The following SMAD2 variants were observed in gnomAD, a reference collection of about 807,000 sequenced individuals.
SMAD2 encodes the protein MAD homolog 2.
A neutral mutation model predicts 64.4 loss-of-function variants in SMAD2; 8 were observed. The observed-to-expected ratio is 0.12, with a 90% CI of 0.07 to 0.22. SMAD2 has a LOEUF of 0.22. Ranked by LOEUF, SMAD2 falls within the 10% of genes least tolerant of loss-of-function variation. The pLI is 1.00. For synonymous variants in SMAD2, 203 were observed against 195.8 expected (o/e 1.04, Z -0.31); for missense variants, 289 against 561.2 (o/e 0.51, Z 4.90).
At chr18:47,861,154 G>A (rs954673351) in intron 6 of SMAD2, among the ~76,000 whole-genome samples, 9 of 152,060 alleles carry the variant, frequency 5.9e-5, no homozygotes, top group African/African-American at 2.2e-4. Flanking sequence ...TTGGGAGTTC[G>A]AGACCAGCCT....
At chr18:47,910,288 G>A (rs1183861650) in intron 1 of SMAD2, among the ~76,000 whole-genome samples, 1 of 152,086 alleles carries the variant, frequency 6.6e-6, no homozygotes, top group African/African-American at 2.4e-5. Flanking sequence ...ACGTAACAGA[G>A]ATCAGTGCTT....
Position 47,836,099 on chromosome 18 carries a change from T to C in SMAD2, c.*5728A>G, listed in dbSNP as rs1913389328. On this transcript the variant is annotated 3_prime_UTR_variant, in exon 11 of 11. Transcript: ENST00000262160. ...GTTAATATACTCCAGCGAGATCACC[T>C]GTGGGTCAAGGATGGCCCAGAGAAT... The C allele has an allele frequency of 1.4e-5, 3 of 216,650 alleles. No individual in the cohort carries two copies. Among genetic ancestry groups the C allele is most frequent in the Admixed American group, 5.8e-5 (1 of 17,176 alleles). The allele number at this position is 216,650 out of a possible 1,614,324, so 13.4% of individuals were successfully genotyped here.
intron 1 of SMAD2, among the ~76,000 whole-genome samples, chr18:47,914,545 G>A (rs910219465): frequency 2.9e-4 from 44 of 152,242 alleles, no homozygotes; most frequent in African/African-American, 1.0e-3. Flanking sequence ...GTTTCTAAAA[G>A]AAAGATCAGA....
intron 6 of SMAD2, among the ~76,000 whole-genome samples, chr18:47,851,571 C>CA: frequency 6.6e-6 from 1 of 152,176 alleles, no homozygotes; most frequent in East Asian, 1.9e-4. Context: ...TTCATCTTCC[C>CA]AAAGATATCT....
intron 1 of SMAD2, among the ~76,000 whole-genome samples, chr18:47,908,217 G>A (rs550500611): frequency 5.3e-5 from 8 of 152,294 alleles, no homozygotes; most frequent in East Asian, 1.9e-4. Flanking sequence ...GCAAATGTTC[G>A]TGGATGGAGG....
intron 1 of SMAD2, among the ~76,000 whole-genome samples, chr18:47,902,633 T>C (rs533933133): frequency 5.8e-4 from 89 of 152,216 alleles, no homozygotes; most frequent in Non-Finnish European, 1.2e-3. Flanking sequence ...ACTTAAAAAG[T>C]ATTCCATAGA....
In SMAD2 at chr18:47,830,944, C is replaced by CGT. The variant is rs777666847; in HGVS notation, c.*10882_*10883insAC. ...CTTTGGCTGTGAGCAAAAAAGTTAA[C>CGT]TAAGTTTCACTTAATACACACACAC... On this transcript the variant is annotated 3_prime_UTR_variant, in exon 11 of 11. Coordinates refer to ENST00000262160, the MANE Select transcript of SMAD2 (RefSeq NM_005901.6). The CGT allele has an allele frequency of 6.7e-6, 1 of 150,072 alleles. No individual in the cohort carries two copies. Among genetic ancestry groups the CGT allele is most frequent in the Non-Finnish European group, 1.5e-5 (1 of 67,996 alleles). 9.3% of individuals were successfully genotyped at this position (150,072 alleles called of 1,614,324 possible).
chr18:47,864,955 G>T (rs565316226), intron 6 of SMAD2, 104 bp downstream of exon 6: 2 of 729,964 alleles, frequency 2.7e-6, no homozygotes, highest in Non-Finnish European at 2.4e-6. Context: ...TTTGGTATGC[G>T]TCTCAACTTC....
chr18:47,886,596 TC>T (rs1340162986), intron 2 of SMAD2, among the ~76,000 whole-genome samples: 41 of 151,904 alleles, frequency 2.7e-4, no homozygotes, highest in African/African-American at 9.7e-4. Flanking sequence ...TATCTATCTA[TC>T]TATCTATCTA....
intron 1 of SMAD2, among the ~76,000 whole-genome samples, chr18:47,921,382 G>T (rs983168436): frequency 2.0e-5 from 3 of 152,082 alleles, no homozygotes; most frequent in African/African-American, 7.2e-5. Context: ...CTTTGAAAAG[G>T]CAACTGTATG....
intron 1 of SMAD2, among the ~76,000 whole-genome samples, chr18:47,902,352 G>A (rs2033718190): frequency 6.6e-6 from 1 of 152,126 alleles, no homozygotes; most frequent in African/African-American, 2.4e-5. Flanking sequence ...TTTATTAAGA[G>A]TCTTGGACTA....
chr18:47,890,905 G>A (rs1347732892), intron 2 of SMAD2, among the ~76,000 whole-genome samples: 1 of 152,038 alleles, frequency 6.6e-6, no homozygotes, highest in Non-Finnish European at 1.5e-5. Context: ...GAAGCAAAAG[G>A]GTATGAACAT....
intron 8 of SMAD2, among the ~76,000 whole-genome samples, chr18:47,847,606 T>TA (rs1027879931): frequency 4.9e-4 from 49 of 99,644 alleles, no homozygotes; most frequent in African/African-American, 2.0e-3. Context: ...ACAATGTTTA[T>TA]AAAAAACAAC....
chr18:47,927,028 C>CT lies in SMAD2; in HGVS notation c.-54+3332dup, dbSNP rs2034794095. 4.6e-5 allele frequency among the ~76,000 whole-genome samples: 7 copies of CT among 152,314 alleles called. No individual in the cohort carries two copies. In the South Asian group the frequency reaches 1.5e-3, roughly 32 times the overall value. On this transcript the variant is annotated intron_variant, in intron 1 of 10. Transcript: ENST00000262160. Reference sequence around the variant, plus strand: ...GATTCCAAAACCCAAGGCCTTTCCACTACATGAGACTGCTGTCCAATCCTG... The same window carrying CT: ...GATTCCAAAACCCAAGGCCTTTCCACTTACATGAGACTGCTGTCCAATCCTG...
Position 47,841,830 on chromosome 18 carries a change from T to C in SMAD2, c.1401A>G (p.Ser467=), listed in dbSNP as rs775133924. The C allele has an allele frequency of 5.0e-6, 8 of 1,614,074 alleles. No individual in the cohort carries two copies. The highest frequency in any genetic ancestry group is 6.8e-6 in the Non-Finnish European group (8 of 1,180,026). The part of the protein sequence containing the change: ...GSPSVRCSSM[S] ...ATGGGACTTGATTGGTGAAGCTTTA[T>C]GACATGCTTGAGCAACGCACTGAAG... Residue 467 remains serine, a synonymous_variant, in exon 11 of 11, where the codon TCA becomes TCG. Transcript: ENST00000262160.
intron 2 of SMAD2, among the ~76,000 whole-genome samples, chr18:47,888,246 T>TG (rs1172225309): frequency 6.6e-6 from 1 of 151,272 alleles, no homozygotes; most frequent in African/African-American, 2.4e-5. Flanking sequence ...ATCAAACTAA[T>TG]GAGATCCAGA....
rs1169439448 is a variant in SMAD2 at position 47,840,938 on chromosome 18, T to G, written c.*889A>C. 2.2e-5 allele frequency: 5 copies of G among 232,316 alleles called. No individual in the cohort carries two copies. The East Asian group carries it at 2.4e-4, about 11-fold the overall frequency. 14.4% of individuals were successfully genotyped at this position (232,316 alleles called of 1,614,324 possible). A position where few individuals can be genotyped will look rare whatever the true frequency, so the allele number is the denominator to read the frequency against. ...AGATTATACAAGCCAATTATTCCTGTTGAAATTTGGGCATAAGACAAAGGG... is the reference window on the plus strand; with the variant it reads ...AGATTATACAAGCCAATTATTCCTGGTGAAATTTGGGCATAAGACAAAGGG... On this transcript the variant is annotated 3_prime_UTR_variant, in exon 11 of 11. Coordinates refer to ENST00000262160, the MANE Select transcript of SMAD2 (RefSeq NM_005901.6).
intron 2 of SMAD2, among the ~76,000 whole-genome samples, chr18:47,877,912 T>A (rs2032360742): frequency 6.6e-6 from 1 of 152,186 alleles, no homozygotes; most frequent in South Asian, 2.1e-4. Context: ...TCACATTCCT[T>A]CATAATTAAG....
intron 1 of SMAD2, among the ~76,000 whole-genome samples, chr18:47,909,668 G>T (rs1053823018): frequency 5.3e-5 from 8 of 152,154 alleles, no homozygotes; most frequent in South Asian, 2.1e-4. Flanking sequence ...GAAGGGAAAA[G>T]ATAAACACCG....
Sources: gnomAD v4.1 joint callset for allele counts (sites outside exome capture counted in the v4.1 genomes callset) on GRCh38, gnomAD v4.1.1 for gene constraint, MANE v1.5 for transcripts, NCBI Gene and HGNC (gene_info 2026-07-23, HGNC 2026-07-21) for gene names.